MED28: variants seen among roughly 807,000 people sequenced by gnomAD.
MED28 encodes the protein mediator complex subunit 28.
A neutral mutation model predicts 21.3 loss-of-function variants in MED28; 26 were observed. That is an observed-to-expected ratio of 1.22 (90% CI 0.89 to 1.69). The LOEUF (loss-of-function observed/expected upper bound fraction) is 1.69. Among genes scored for constraint, MED28 ranks in the 40% most tolerant of loss-of-function variants. The pLI is 0.00. For missense variants in MED28, 257 were observed against 215.4 expected, an observed-to-expected ratio of 1.19 and a Z score of -1.21; for synonymous variants, 110 against 87.6, an observed-to-expected ratio of 1.26 and a Z score of -1.43.
rs548810980 is a variant in MED28 at position 17,632,947 on chromosome 4, A to T, written c.*9149A>T. The T allele has an allele frequency of 3.7e-5, 7 of 190,602 alleles. No homozygotes were observed. The highest frequency in any genetic ancestry group is 1.4e-4 in the African/African-American group (6 of 43,022). 11.8% of individuals were successfully genotyped at this position (190,602 alleles called of 1,614,324 possible). A position where few individuals can be genotyped will look rare whatever the true frequency, so the allele number is the denominator to read the frequency against. On this transcript the variant is annotated 3_prime_UTR_variant, in exon 4 of 4. Transcript: ENST00000237380. ...ACTTTGTTTTTATTTTTTGTGACAGAGTCTCCCTCTGTCACCCAGGCTGGA... is the reference window on the plus strand; with the variant it reads ...ACTTTGTTTTTATTTTTTGTGACAGTGTCTCCCTCTGTCACCCAGGCTGGA...
chr4:17,628,743 A>G lies in MED28; in HGVS notation c.*4945A>G, dbSNP rs529807174. 6.6e-6 allele frequency: 1 copy of G among 152,226 alleles called. No individual in the cohort carries two copies. The highest frequency in any genetic ancestry group is 2.4e-5 in the African/African-American group (1 of 41,518). 9.4% of individuals were successfully genotyped at this position (152,226 alleles called of 1,614,324 possible). ...TAGGATGAGGCTTGGGGACTGGCTC[A>G]CTCACTGCCCAACTGGTAGCAAAAC... is the stretch of plus-strand genomic sequence containing the variant. On this transcript the variant is annotated 3_prime_UTR_variant, in exon 4 of 4. Transcript: ENST00000237380.
In MED28 at chr4:17,629,204, G is replaced by T; in HGVS notation, c.*5406G>T. Reference sequence around the variant, plus strand: ...GCTGAGATGGCGCCACTGCACCCCAGCTTGGGTGACAGAGCAAGACTCCGT... The same window carrying T: ...GCTGAGATGGCGCCACTGCACCCCATCTTGGGTGACAGAGCAAGACTCCGT... On this transcript the variant is annotated 3_prime_UTR_variant, in exon 4 of 4. Transcript: ENST00000237380. 1 of 152,702 alleles carries T rather than the reference G, an allele frequency of 6.5e-6. No individual in the cohort carries two copies. Among genetic ancestry groups the T allele is most frequent in the Non-Finnish European group, 1.5e-5 (1 of 68,340 alleles). The allele number at this position is 152,702 out of a possible 1,614,324, so 9.5% of individuals were successfully genotyped here.
chr4:17,633,955 AGCAAATAAT>A lies in MED28; in HGVS notation c.*10160_*10168del. ...AAACAAAATAAAGCATTATTGTAAA[AGCAAATAAT>A]GCTCACCCAATCAAAATTGTATCGG... On this transcript the variant is annotated 3_prime_UTR_variant, in exon 4 of 4. Coordinates refer to ENST00000237380, the MANE Select transcript of MED28 (RefSeq NM_025205.5). The A allele has an allele frequency of 8.1e-7, 1 of 1,239,432 alleles. No homozygotes were observed. Among genetic ancestry groups the A allele is most frequent in the Non-Finnish European group, 1.1e-6 (1 of 941,300 alleles). The allele number at this position is 1,239,432 out of a possible 1,614,324, so 76.8% of individuals were successfully genotyped here.
At chr4:17,615,395 A>C (rs1268118891) in intron 1 of MED28, among the ~76,000 whole-genome samples, 1 of 152,226 alleles carries the variant, frequency 6.6e-6, no homozygotes, top group Non-Finnish European at 1.5e-5. Context: ...TATTGAGGGA[A>C]GATAGAGAGG....
intron 3 of MED28, among the ~76,000 whole-genome samples, chr4:17,623,388 G>A (rs1328154123): frequency 9.1e-6 from 1 of 110,448 alleles, no homozygotes; most frequent in Non-Finnish European, 1.7e-5. Flanking sequence ...GTGACAGCAA[G>A]ACTTCGTCTC....
intron 1 of MED28, among the ~76,000 whole-genome samples, chr4:17,615,042 G>A (rs1714407112): frequency 6.6e-6 from 1 of 152,186 alleles, no homozygotes; most frequent in African/African-American, 2.4e-5. Context: ...CCCGAAGTTT[G>A]CCTAAACCCC....
Position 17,633,081 on chromosome 4 carries a change from C to T in MED28, c.*9283C>T, listed in dbSNP as rs1715013006. The T allele has an allele frequency of 6.4e-6, 1 of 155,592 alleles. No homozygotes were observed. The highest frequency in any genetic ancestry group is 2.4e-5 in the African/African-American group (1 of 41,452). 9.6% of individuals were successfully genotyped at this position (155,592 alleles called of 1,614,324 possible). A position where few individuals can be genotyped will look rare whatever the true frequency, so the allele number is the denominator to read the frequency against. On this transcript the variant is annotated 3_prime_UTR_variant, in exon 4 of 4. Transcript: ENST00000237380. ...GGAATTACAGGCGCATACCACCACA[C>T]CTGGCTAATTTTTGTATTTTTTGTA... is the stretch of plus-strand genomic sequence containing the variant.
Position 17,630,874 on chromosome 4 carries a change from T to C in MED28, c.*7076T>C, listed in dbSNP as rs1714916732. ...TCTAATTTTACCTTTCTGTGGAAAA[T>C]CAATACAAGTCAACCATTTTTATTG... is the stretch of plus-strand genomic sequence containing the variant. On this transcript the variant is annotated 3_prime_UTR_variant, in exon 4 of 4. Coordinates refer to ENST00000237380, the MANE Select transcript of MED28 (RefSeq NM_025205.5). 2 of 152,162 alleles carry C rather than the reference T, an allele frequency of 1.3e-5. No homozygotes were observed. Among genetic ancestry groups the C allele is most frequent in the African/African-American group, 4.8e-5 (2 of 41,434 alleles). 9.4% of individuals were successfully genotyped at this position (152,162 alleles called of 1,614,324 possible). A position where few individuals can be genotyped will look rare whatever the true frequency, so the allele number is the denominator to read the frequency against.
chr4:17,616,839 G>C (rs1714467721), intron 1 of MED28, among the ~76,000 whole-genome samples: 2 of 152,206 alleles, frequency 1.3e-5, no homozygotes, highest in Admixed American at 1.3e-4. Flanking sequence ...AATCTGTAGT[G>C]TGGAGCCTGT....
intron 2 of MED28, 53 bp from the exon 3 acceptor site, chr4:17,621,534 A>G: frequency 8.2e-7 from 1 of 1,214,308 alleles, no homozygotes; most frequent in Non-Finnish European, 1.2e-6. Context: ...TGAGGGAGAT[A>G]AATGAGTCTG....
intron 2 of MED28, among the ~76,000 whole-genome samples, chr4:17,621,077 C>T (rs1372370379): frequency 5.0e-5 from 7 of 141,272 alleles, no homozygotes; most frequent in Non-Finnish European, 7.6e-5. Flanking sequence ...TGCAGTGGCG[C>T]GATCTCGGCT....
chr4:17,616,440 A>G (rs1714454319), intron 1 of MED28, among the ~76,000 whole-genome samples: 1 of 152,142 alleles, frequency 6.6e-6, no homozygotes, highest in African/African-American at 2.4e-5. Flanking sequence ...GTCTTAGCCA[A>G]AGTTGACTCC....
At chr4:17,623,266 T>C (rs1353458572) in intron 3 of MED28, among the ~76,000 whole-genome samples, 1 of 151,916 alleles carries the variant, frequency 6.6e-6, no homozygotes, top group Non-Finnish European at 1.5e-5. Context: ...CTGGGTGTGG[T>C]GGCGTGTGCC....
At chr4:17,616,710 TCCATGA>T (rs775658294) in intron 1 of MED28, among the ~76,000 whole-genome samples, 22 of 152,222 alleles carry the variant, frequency 1.4e-4, no homozygotes, top group Non-Finnish European at 2.4e-4. Flanking sequence ...TAAATTCGGC[TCCATGA>T]AGTCAGAGAC....
rs1198003779 is a variant in MED28 at position 17,624,983 on chromosome 4, G to A, written c.*1185G>A. ...CAGAACAAATGCTTCACTGTCTTCT[G>A]ATTGGCAGTACTCCTGTGGCTTTGT... On this transcript the variant is annotated 3_prime_UTR_variant, in exon 4 of 4. Coordinates refer to ENST00000237380, the MANE Select transcript of MED28 (RefSeq NM_025205.5). 1 of 152,038 alleles carries A rather than the reference G, an allele frequency of 6.6e-6. No individual in the cohort carries two copies. The highest frequency in any genetic ancestry group is 1.5e-5 in the Non-Finnish European group (1 of 68,022). 9.4% of individuals were successfully genotyped at this position (152,038 alleles called of 1,614,324 possible). A position where few individuals can be genotyped will look rare whatever the true frequency, so the allele number is the denominator to read the frequency against.
At position 17,629,579 on chromosome 4, in the gene MED28, C is replaced by CAT. The variant is rs746750277; in HGVS notation, c.*5784_*5785dup. On this transcript the variant is annotated 3_prime_UTR_variant, in exon 4 of 4. Coordinates refer to ENST00000237380, the MANE Select transcript of MED28 (RefSeq NM_025205.5). ...ATTCCTTTCAGTTTTGCTGCAGGAA[C>CAT]ATATTAACTCTTCCACCCCTGTCAT... The CAT allele has an allele frequency of 5.3e-5, 8 of 152,166 alleles. No homozygotes were observed. Among genetic ancestry groups the CAT allele is most frequent in the Non-Finnish European group, 1.2e-4 (8 of 68,038 alleles). 9.4% of individuals were successfully genotyped at this position (152,166 alleles called of 1,614,324 possible). A position where few individuals can be genotyped will look rare whatever the true frequency, so the allele number is the denominator to read the frequency against.
rs1410894997 is a variant in MED28 at position 17,628,280 on chromosome 4, G to GTGTGTGTGTGTGTGTA, written c.*4493_*4494insGTGTATGTGTGTGTGT. 2 of 151,350 alleles carry GTGTGTGTGTGTGTGTA rather than the reference G, an allele frequency of 1.3e-5. No individual in the cohort carries two copies. Among genetic ancestry groups the GTGTGTGTGTGTGTGTA allele is most frequent in the African/African-American group, 4.9e-5 (2 of 40,686 alleles). The allele number at this position is 151,350 out of a possible 1,614,324, so 9.4% of individuals were successfully genotyped here. ...CGTGTGTGTGTGTGTGTGTGTGTGT[G>GTGTGTGTGTGTGTGTA]TGTGTGTGTGTATGTGTATATGCGT... On this transcript the variant is annotated 3_prime_UTR_variant, in exon 4 of 4. Coordinates refer to ENST00000237380, the MANE Select transcript of MED28 (RefSeq NM_025205.5).
At chr4:17,615,193 C>T (rs1312147011) in intron 1 of MED28, among the ~76,000 whole-genome samples, 1 of 152,202 alleles carries the variant, frequency 6.6e-6, no homozygotes, top group African/African-American at 2.4e-5. Context: ...ATCCTTTCCG[C>T]TGGGCTTCAC....
rs1159823830 is a variant in MED28, at chr4:17,631,514, G to A, written c.*7716G>A. 6.6e-6 allele frequency: 1 copy of A among 152,196 alleles called. No individual in the cohort carries two copies. The highest frequency in any genetic ancestry group is 1.5e-5 in the Non-Finnish European group (1 of 68,052). 9.4% of individuals were successfully genotyped at this position (152,196 alleles called of 1,614,324 possible). A position where few individuals can be genotyped will look rare whatever the true frequency, so the allele number is the denominator to read the frequency against. Reference sequence around the variant, plus strand: ...AGATAATCTAGAGACCTTCACAAGTGATCATGTTGGCACTATGGTCATTAC... The same window carrying A: ...AGATAATCTAGAGACCTTCACAAGTAATCATGTTGGCACTATGGTCATTAC... On this transcript the variant is annotated 3_prime_UTR_variant, in exon 4 of 4. Coordinates refer to ENST00000237380, the MANE Select transcript of MED28 (RefSeq NM_025205.5).
Sources: allele counts gnomAD v4.1 joint callset (sites outside exome capture counted in the v4.1 genomes callset), GRCh38; gene constraint gnomAD v4.1.1; transcripts MANE v1.5; gene names NCBI Gene and HGNC (gene_info 2026-07-23, HGNC 2026-07-21).